Variants in LPO observed in about 807,000 individuals in gnomAD.
The protein encoded by LPO is lactoperoxidase, also known as salivary peroxidase.
LPO carries 70 observed loss-of-function variants against 68.4 expected under a neutral mutation model. The ratio of observed to expected loss-of-function variants is 1.02; its 90% CI spans 0.84 to 1.25. The LOEUF is 1.25. Among genes scored for constraint, LPO ranks in the 50% most tolerant of loss-of-function variants. LPO has a pLI of 0.00. For missense variants in LPO, 873 were observed against 908.4 expected, an observed-to-expected ratio of 0.96 and a Z score of 0.50; for synonymous variants, 360 against 357.6, an observed-to-expected ratio of 1.01 and a Z score of -0.08.
At chr17:58,250,768 C>T (rs972510739) in intron 7 of LPO, 147 bp downstream of exon 7, 4 of 766,114 alleles carry the variant, frequency 5.2e-6, no homozygotes, top group Middle Eastern at 3.7e-4. Context: ...TTCGTTCACT[C>T]ATCCGTTTAT....
chr17:58,243,212 G>A, intron 2 of LPO, 157 bp downstream of exon 2: 1 of 656,540 alleles, frequency 1.5e-6, no homozygotes, highest in Non-Finnish European at 2.6e-6. Context: ...AAGGCTCTAG[G>A]GAAGAATGCT....
intron 9 of LPO, among the ~76,000 whole-genome samples, chr17:58,258,523 C>G (rs1970114372): frequency 6.6e-6 from 1 of 152,146 alleles, no homozygotes; most frequent in African/African-American, 2.4e-5. Flanking sequence ...ATGCCAGTAC[C>G]ATGCTGTTTG....
rs1969780154 is a variant in LPO, at chr17:58,242,753, T to C, written c.-2-225T>C. The C allele has an allele frequency of 1.0e-5, 5 of 487,154 alleles. No individual in the cohort carries two copies. In the South Asian group the frequency reaches 1.3e-4, roughly 13 times the overall value. The allele number at this position is 487,154 out of a possible 1,614,324, so 30.2% of individuals were successfully genotyped here. A position where few individuals can be genotyped will look rare whatever the true frequency, so the allele number is the denominator to read the frequency against. ...ACTCAGGGCCTTAGATCCTGAAGCCTGAGTTCTTTCCCTTCCACCATGTCT... is the reference window on the plus strand; with the variant it reads ...ACTCAGGGCCTTAGATCCTGAAGCCCGAGTTCTTTCCCTTCCACCATGTCT... On this transcript the variant is annotated intron_variant, in intron 1 of 12. Transcript: ENST00000262290.
At chr17:58,258,383 A>G (rs1414298015) in intron 9 of LPO, among the ~76,000 whole-genome samples, 2 of 152,206 alleles carry the variant, frequency 1.3e-5, no homozygotes, top group African/African-American at 4.8e-5. Context: ...TCCCAGCACC[A>G]TTTATTGAAG....
chr17:58,250,115 C>CT (rs1255499057), intron 6 of LPO, among the ~76,000 whole-genome samples: 1 of 152,198 alleles, frequency 6.6e-6, no homozygotes, highest in Non-Finnish European at 1.5e-5. Flanking sequence ...GGCAGCCTGT[C>CT]TTTGTTTTCC....
Position 58,267,790 on chromosome 17 carries a change from C to CT in LPO, c.1936dup (p.Trp646LeufsTer27). On this transcript the variant is annotated frameshift_variant, in exon 13 of 13. Transcript: ENST00000262290. LOFTEE classifies it low-confidence loss of function (END_TRUNC). ...GACTCTACTTCTGTCTCTGCAGGTT[C>CT]TGGTGGGAAAACCCTGGGGTCTTCA... 1 of 1,613,972 alleles carries CT rather than the reference C, an allele frequency of 6.2e-7. No individual in the cohort carries two copies. Among genetic ancestry groups the CT allele is most frequent in the Admixed American group, 1.7e-5 (1 of 60,018 alleles).
chr17:58,243,931 A>T, intron 2 of LPO, 63 bp from the exon 3 acceptor site: 1 of 1,078,428 alleles, frequency 9.3e-7, no homozygotes, highest in Non-Finnish European at 1.4e-6. Flanking sequence ...AGACAAAAGC[A>T]GAAGACATCG....
chr17:58,245,846 T>G (rs1322736023), intron 3 of LPO, among the ~76,000 whole-genome samples: 3 of 152,136 alleles, frequency 2.0e-5, no homozygotes, highest in African/African-American at 7.2e-5. Context: ...GGGGACAGCA[T>G]AAAAGCCACA....
rs189235094 is a variant in LPO at position 58,256,453 on chromosome 17, G to A, written c.1266+1482G>A. ...TTAATTTTGTGGGTACATAGTAGGCGCCTATATGTATGGGGTACATTAGAT... is the reference window on the plus strand; with the variant it reads ...TTAATTTTGTGGGTACATAGTAGGCACCTATATGTATGGGGTACATTAGAT... On this transcript the variant is annotated intron_variant, in intron 9 of 12. Transcript: ENST00000262290. Among the ~76,000 whole-genome samples, 21 of 150,242 alleles carry A rather than the reference G, an allele frequency of 1.4e-4. No homozygotes were observed. The East Asian group carries it at 1.6e-3, about 11-fold the overall frequency.
At chr17:58,262,197 G>A (rs1436772457) in intron 9 of LPO, among the ~76,000 whole-genome samples, 1 of 152,192 alleles carries the variant, frequency 6.6e-6, no homozygotes, top group Non-Finnish European at 1.5e-5. Flanking sequence ...ATAGGTCTGT[G>A]TGCAGCAAAT....
chr17:58,255,330 T>A (rs1970050326), intron 9 of LPO, among the ~76,000 whole-genome samples: 1 of 152,232 alleles, frequency 6.6e-6, no homozygotes. Context: ...CCTTTTTAAT[T>A]GTCTACATCT....
At position 58,266,314 on chromosome 17, in the gene LPO, C is replaced by A. The variant is rs1970264875; in HGVS notation, c.1681C>A (p.His561Asn). ...CATCAACACACAGCGTTGCCGGGAC[C>A]ATGGGCAACCTGGTGAGTGTCTGAA... ...AAINTQRCRD[H>N]GQPGYNSWRA... is the part of the protein sequence containing the mutation. Residue 561 changes from histidine (H) to asparagine (N), a missense_variant, in exon 11 of 13, where the codon CAT becomes AAT. By Grantham distance (68) the His-to-Asn change is moderately conservative. Coordinates refer to ENST00000262290, the MANE Select transcript of LPO (RefSeq NM_006151.3). 6.2e-7 allele frequency: 1 copy of A among 1,614,036 alleles called. No homozygotes were observed. Among genetic ancestry groups the A allele is most frequent in the Non-Finnish European group, 8.5e-7 (1 of 1,180,020 alleles).
At chr17:58,243,766 G>A (rs1025614501) in intron 2 of LPO, 2 of 577,936 alleles carry the variant, frequency 3.5e-6, no homozygotes, top group African/African-American at 3.8e-5. Context: ...ATTCTAGTGA[G>A]ATCTCAAAGA....
intron 9 of LPO, among the ~76,000 whole-genome samples, chr17:58,256,926 C>A (rs557244012): frequency 6.8e-6 from 1 of 146,124 alleles, no homozygotes; most frequent in Non-Finnish European, 1.5e-5. Flanking sequence ...TGAAAATGCA[C>A]AATTAAGTTA....
intron 6 of LPO, among the ~76,000 whole-genome samples, chr17:58,250,076 C>G (rs951650494): frequency 6.6e-6 from 1 of 152,202 alleles, no homozygotes; most frequent in African/African-American, 2.4e-5. Flanking sequence ...TTCCTGGACA[C>G]CTGGCACCTC....
intron 3 of LPO, among the ~76,000 whole-genome samples, chr17:58,245,220 G>C (rs1438541787): frequency 1.3e-5 from 2 of 152,172 alleles, no homozygotes; most frequent in Non-Finnish European, 2.9e-5. Context: ...CGGGAGAAGA[G>C]AGTGCAGTCT....
intron 9 of LPO, among the ~76,000 whole-genome samples, chr17:58,259,508 C>CT (rs1353369230): frequency 6.6e-6 from 1 of 152,156 alleles, no homozygotes; most frequent in Non-Finnish European, 1.5e-5. Flanking sequence ...TACAGTAAGC[C>CT]TTAAAACACT....
At chr17:58,259,254 T>A (rs1970131432) in intron 9 of LPO, among the ~76,000 whole-genome samples, 1 of 152,188 alleles carries the variant, frequency 6.6e-6, no homozygotes, top group East Asian at 1.9e-4. Context: ...TTGGGTAAAT[T>A]TTTGCATAAA....
rs974459386 is a variant in LPO at position 58,252,046 on chromosome 17, C to T, written c.781-136C>T. On this transcript the variant is annotated intron_variant, in intron 7 of 12. Coordinates refer to ENST00000262290, the MANE Select transcript of LPO (RefSeq NM_006151.3). ...GGTGTGTAATGTCAGCAAGAAGTGT[C>T]TGGGGTCAGTGTCTGGTACCAGGGT... The T allele has an allele frequency of 2.2e-5, 17 of 787,236 alleles. No homozygotes were observed. The Middle Eastern group carries it at 1.3e-3, about 62-fold the overall frequency. 48.8% of individuals were successfully genotyped at this position (787,236 alleles called of 1,614,324 possible). A position where few individuals can be genotyped will look rare whatever the true frequency, so the allele number is the denominator to read the frequency against.
Sources: allele counts gnomAD v4.1 joint callset (sites outside exome capture counted in the v4.1 genomes callset), GRCh38; gene constraint gnomAD v4.1.1; transcripts MANE v1.5; gene names NCBI Gene and HGNC (gene_info 2026-07-23, HGNC 2026-07-21).